Variants in ATP10D observed in about 807,000 individuals in gnomAD.
ATP10D encodes the protein ATPase phospholipid transporting 10D (putative), also known as phospholipid-transporting ATPase VD.
In ATP10D, 89 loss-of-function variants were observed where a neutral mutation model predicts 144.8. The ratio of observed to expected loss-of-function variants is 0.61; its 90% CI spans 0.52 to 0.73. ATP10D has a LOEUF of 0.73. ATP10D is among the 30% of genes least tolerant of loss of function. ATP10D has a pLI of 0.00. For missense variants in ATP10D, 1,603 were observed against 1,714.8 expected (o/e 0.93, Z 1.15); for synonymous variants, 571 against 615.1 (o/e 0.93, Z 1.06).
intron 21 of ATP10D, among the ~76,000 whole-genome samples, chr4:47,586,479 A>G (rs891217241): frequency 2.0e-5 from 3 of 152,198 alleles, no homozygotes; most frequent in African/African-American, 7.2e-5. Context: ...TTCTAACCGG[A>G]AAGTTTTACA....
At chr4:47,498,080 G>C (rs987348294) in intron 1 of ATP10D, among the ~76,000 whole-genome samples, 8 of 152,162 alleles carry the variant, frequency 5.3e-5, no homozygotes, top group African/African-American at 1.9e-4. Context: ...CTACAGAGCA[G>C]ATGATATCAT....
chr4:47,585,610 AC>A (rs2109480001), intron 21 of ATP10D, among the ~76,000 whole-genome samples: 1 of 152,178 alleles, frequency 6.6e-6, no homozygotes, highest in South Asian at 2.1e-4. Flanking sequence ...TTTCTTTTGT[AC>A]CCATTAACCA....
At chr4:47,579,004 G>A (rs1238034775) in intron 19 of ATP10D, among the ~76,000 whole-genome samples, 5 of 152,184 alleles carry the variant, frequency 3.3e-5, no homozygotes, top group Non-Finnish European at 7.4e-5. Context: ...AAACAAGACT[G>A]AGAACATGTT....
intron 3 of ATP10D, among the ~76,000 whole-genome samples, chr4:47,521,088 T>TA (rs1348299351): frequency 1.3e-5 from 2 of 152,182 alleles, no homozygotes; most frequent in African/African-American, 2.4e-5. Context: ...AGACACCACT[T>TA]ATCTCGGGTC....
In ATP10D at chr4:47,563,838, C is replaced by T. The variant is rs548297544; in HGVS notation, c.2853+73C>T. 326 of 1,292,864 alleles carry T rather than the reference C, an allele frequency of 2.5e-4. No individual in the cohort carries two copies. The African/African-American group carries it at 4.2e-3, about 17-fold the overall frequency. The allele number at this position is 1,292,864 out of a possible 1,614,324, so 80.1% of individuals were successfully genotyped here. ...TGGAACATTTGAGATTTGATGTATG[C>T]AAGGATTAAAAAAAAAACAAAACAG... On this transcript the variant is annotated intron_variant, in intron 15 of 22. Coordinates refer to ENST00000273859, the MANE Select transcript of ATP10D (RefSeq NM_020453.4).
chr4:47,539,186 G>A (rs924176191), intron 9 of ATP10D, among the ~76,000 whole-genome samples: 1 of 152,120 alleles, frequency 6.6e-6, no homozygotes, highest in Non-Finnish European at 1.5e-5. Flanking sequence ...TATGATTTCT[G>A]ATGGTAGTGT....
chr4:47,534,070 C>T (rs1446044769), intron 5 of ATP10D, among the ~76,000 whole-genome samples: 1 of 152,168 alleles, frequency 6.6e-6, no homozygotes, highest in Non-Finnish European at 1.5e-5. Context: ...CTACACTTTG[C>T]ATCTGGTTGG....
intron 9 of ATP10D, among the ~76,000 whole-genome samples, chr4:47,542,345 C>G (rs890225065): frequency 2.6e-5 from 4 of 152,052 alleles, no homozygotes; most frequent in Non-Finnish European, 5.9e-5. Flanking sequence ...TATCTGCCAG[C>G]CTCGGCCTCC....
At position 47,591,039 on chromosome 4, in the gene ATP10D, T is replaced by A. The variant is rs199855555; in HGVS notation, c.3942-3T>A. The A allele has an allele frequency of 4.5e-5, 70 of 1,565,948 alleles. No homozygotes were observed. The African/African-American group carries it at 8.5e-4, about 19-fold the overall frequency. Reference sequence around the variant, plus strand: ...AATTCTAATGATGTTCCTTGTCACCTAGGTTTGTATACAGAGTTCTTCAGG... The same window carrying A: ...AATTCTAATGATGTTCCTTGTCACCAAGGTTTGTATACAGAGTTCTTCAGG... On this transcript the variant is annotated splice_polypyrimidine_tract_variant and splice_region_variant and intron_variant, in intron 22 of 22. Transcript: ENST00000273859.
chr4:47,536,395 A>G (rs762373386), intron 7 of ATP10D, 42 bp from the exon 8 acceptor site: 39 of 1,603,152 alleles, frequency 2.4e-5, no homozygotes, highest in Non-Finnish European at 3.1e-5. Context: ...TTTGCATGCC[A>G]TATATTTAGC....
At position 47,554,934 on chromosome 4, in the gene ATP10D, C is replaced by A. The variant is rs913116144; in HGVS notation, c.1824+20C>A. ...CAAAAGGTGAGTAAGTTCTCTAATG[C>A]AAACAAGGGTCACTTTCCAGAAGAG... On this transcript the variant is annotated intron_variant, in intron 11 of 22. Coordinates refer to ENST00000273859, the MANE Select transcript of ATP10D (RefSeq NM_020453.4). 2 of 1,604,234 alleles carry A rather than the reference C, an allele frequency of 1.2e-6. No homozygotes were observed. The highest frequency in any genetic ancestry group is 3.4e-5 in the Admixed American group (2 of 59,682).
intron 1 of ATP10D, among the ~76,000 whole-genome samples, chr4:47,499,351 CTAAA>C (rs1267349391): frequency 1.3e-5 from 2 of 152,156 alleles, no homozygotes; most frequent in African/African-American, 4.8e-5. Context: ...AAAGAAATCT[CTAAA>C]TAGTGAAAAT....
intron 5 of ATP10D, among the ~76,000 whole-genome samples, chr4:47,533,891 T>G (rs972306565): frequency 6.6e-6 from 1 of 152,188 alleles, no homozygotes; most frequent in Non-Finnish European, 1.5e-5. Context: ...TATATACTTA[T>G]AGCAGATAAG....
chr4:47,545,910 G>C, intron 9 of ATP10D, among the ~76,000 whole-genome samples: 1 of 152,180 alleles, frequency 6.6e-6, no homozygotes, highest in Admixed American at 6.5e-5. Flanking sequence ...GACCAGTTGA[G>C]ATCACCAAGG....
chr4:47,571,874 T>C (rs1719971180), intron 16 of ATP10D, among the ~76,000 whole-genome samples: 1 of 152,100 alleles, frequency 6.6e-6, no homozygotes, highest in Non-Finnish European at 1.5e-5. Flanking sequence ...GAAGGGTGTA[T>C]CTGGAGAGTT....
At chr4:47,487,231 CAA>C (rs1478374325) in intron 1 of ATP10D, among the ~76,000 whole-genome samples, 1 of 128,458 alleles carries the variant, frequency 7.8e-6, no homozygotes, top group African/African-American at 2.9e-5. Flanking sequence ...CTCCGTCCCC[CAA>C]AAAAAAAAAA....
At chr4:47,573,455 G>A (rs916923972) in intron 18 of ATP10D, among the ~76,000 whole-genome samples, 10 of 152,210 alleles carry the variant, frequency 6.6e-5, no homozygotes, top group African/African-American at 1.4e-4. Flanking sequence ...ATGTCTTAGC[G>A]TGTAGCTGGC....
At chr4:47,561,209 C>G (rs1719278455) in intron 14 of ATP10D, 134 bp downstream of exon 14, 20 of 1,150,502 alleles carry the variant, frequency 1.7e-5, no homozygotes, top group Non-Finnish European at 2.4e-5. Flanking sequence ...AGTCTGATCT[C>G]TATCCAACTT....
chr4:47,569,844 A>G (rs1488599236), intron 16 of ATP10D, among the ~76,000 whole-genome samples: 2 of 152,190 alleles, frequency 1.3e-5, no homozygotes, highest in Admixed American at 6.5e-5. Context: ...GGAGACATGG[A>G]GAAGAACATT....
Sources: gnomAD v4.1 joint callset for allele counts (sites outside exome capture counted in the v4.1 genomes callset) on GRCh38, gnomAD v4.1.1 for gene constraint, MANE v1.5 for transcripts, NCBI Gene and HGNC (gene_info 2026-07-23, HGNC 2026-07-21) for gene names.